The following RFFL variants were observed in gnomAD, a reference collection of about 807,000 sequenced individuals.
The protein encoded by RFFL is ring finger and FYVE like domain containing E3 ubiquitin protein ligase, also known as E3 ubiquitin-protein ligase rififylin.
In RFFL, 16 loss-of-function variants were observed where a neutral mutation model predicts 40.4. The ratio of observed to expected loss-of-function variants is 0.40; its 90% CI spans 0.27 to 0.60. The LOEUF (loss-of-function observed/expected upper bound fraction) is 0.60, where lower values mean the gene tolerates loss of function less well. Among genes scored for constraint, RFFL ranks in the 20% least tolerant of loss-of-function variants. The probability of loss-of-function intolerance (pLI) is 0.47; values close to 1 mark genes in which losing one functional copy is unlikely to be tolerated. For missense variants in RFFL, 367 were observed against 451.7 expected, an observed-to-expected ratio of 0.81 and a Z score of 1.70; for synonymous variants, 154 against 167.9, an observed-to-expected ratio of 0.92 and a Z score of 0.64.
chr17:35,037,690 G>A (rs1203777497), intron 1 of RFFL, among the ~76,000 whole-genome samples: 1 of 152,194 alleles, frequency 6.6e-6, no homozygotes, highest in Non-Finnish European at 1.5e-5. Context: ...GTCACAGCTA[G>A]AGGATAGCAA....
rs778044316 is a variant in RFFL at position 35,028,342 on chromosome 17, C to CA, written c.-8-1782dup. Among the ~76,000 whole-genome samples, 172 of 135,494 alleles carry CA rather than the reference C, an allele frequency of 1.3e-3. No homozygotes were observed. In the South Asian group the frequency reaches 0.013, roughly 10 times the overall value. 88.9% of individuals were successfully genotyped at this position (135,494 alleles called of 152,430 possible). A position where few individuals can be genotyped will look rare whatever the true frequency, so the allele number is the denominator to read the frequency against. ...TGGGTGACAAAGTGAGACCTTGTCT[C>CA]AAAAAAAAAAAAAGTGTTGGTTTAT... is the stretch of plus-strand genomic sequence containing the variant. On this transcript the variant is annotated intron_variant, in intron 1 of 6. Transcript: ENST00000394597.
intron 1 of RFFL, among the ~76,000 whole-genome samples, chr17:35,038,649 G>A (rs922469316): frequency 5.9e-5 from 9 of 152,162 alleles, no homozygotes; most frequent in Admixed American, 1.3e-4. Flanking sequence ...AAAAGCAGGA[G>A]GCATAAATGA....
chr17:35,040,864 TGG>T (rs1567708102), intron 1 of RFFL, among the ~76,000 whole-genome samples: 88 of 37,576 alleles, frequency 2.3e-3, no homozygotes, highest in Middle Eastern at 0.01. Flanking sequence ...TTTTTTTTTT[TGG>T]TGTGTGTGTG....
intron 1 of RFFL, among the ~76,000 whole-genome samples, chr17:35,072,609 G>A (rs1390128128): frequency 1.3e-5 from 2 of 151,984 alleles, no homozygotes; most frequent in Middle Eastern, 3.4e-3. Flanking sequence ...AGAGCACCAT[G>A]TCAGTTTCCT....
chr17:35,075,064 T>C (rs2091369291), intron 1 of RFFL, among the ~76,000 whole-genome samples: 1 of 152,228 alleles, frequency 6.6e-6, no homozygotes, highest in Non-Finnish European at 1.5e-5. Context: ...AGATTTCACA[T>C]AGCAGGCAGA....
At chr17:35,068,121 A>G (rs2091329993), upstream of RFFL, among the ~76,000 whole-genome samples, 1 of 152,234 alleles carries the variant, frequency 6.6e-6, no homozygotes, top group Admixed American at 6.5e-5. Flanking sequence ...ATTAAAGTTC[A>G]TTTGACTCAA....
intron 1 of RFFL, among the ~76,000 whole-genome samples, chr17:35,073,441 C>T (rs1320480713): frequency 6.6e-6 from 1 of 152,186 alleles, no homozygotes; most frequent in African/African-American, 2.4e-5. Flanking sequence ...ATGTGACAGG[C>T]TTCTTACCGC....
Position 35,026,537 on chromosome 17 carries a change from C to T in RFFL, c.17G>A (p.Cys6Tyr). 6.2e-7 allele frequency: 1 copy of T among 1,612,406 alleles called. No individual in the cohort carries two copies. Among genetic ancestry groups the T allele is most frequent in the Non-Finnish European group, 8.5e-7 (1 of 1,179,484 alleles). MWATC[C>Y]NWFCLDGQPE... ...CTGTCCATCCAGGCAGAACCAGTTG[C>T]AGCAGGTTGCCCACATGATAAAATC... The change falls in exon 2 of 7, where the codon TGC becomes TAC. Residue 6 changes from cysteine (C) to tyrosine (Y), a missense_variant. Transcript: ENST00000394597.
At chr17:35,086,169 G>C (rs374002161) in intron 1 of RFFL, among the ~76,000 whole-genome samples, 1 of 152,080 alleles carries the variant, frequency 6.6e-6, no homozygotes, top group East Asian at 1.9e-4. Flanking sequence ...CGAAAGACCC[G>C]GGAGTCTGTT....
rs1260818390 is a variant in RFFL, at chr17:35,026,572, G to A, written c.-8-11C>T. Reference sequence around the variant, plus strand: ...CCCACATGATAAAATCTGGTGCAAGGGAGGAAAGGGGAAAAGGTCAGAGTT... The same window carrying A: ...CCCACATGATAAAATCTGGTGCAAGAGAGGAAAGGGGAAAAGGTCAGAGTT... On this transcript the variant is annotated splice_polypyrimidine_tract_variant and intron_variant, in intron 1 of 6. Transcript: ENST00000394597. 6.2e-7 allele frequency: 1 copy of A among 1,608,916 alleles called. No individual in the cohort carries two copies. The highest frequency in any genetic ancestry group is 2.2e-5 in the East Asian group (1 of 44,792).
chr17:35,079,365 C>A (rs1339633482), intron 1 of RFFL, among the ~76,000 whole-genome samples: 2 of 152,192 alleles, frequency 1.3e-5, no homozygotes, highest in Non-Finnish European at 2.9e-5. Context: ...AGAAAGATTT[C>A]AGTCTGTTTT....
intron 1 of RFFL, among the ~76,000 whole-genome samples, chr17:35,028,284 G>A (rs1382087109): frequency 1.3e-5 from 2 of 151,508 alleles, no homozygotes; most frequent in South Asian, 2.1e-4. Flanking sequence ...GCAGTGAGCC[G>A]AGATCGTGCC....
At chr17:35,065,558 C>CAAAAA (rs947708350), upstream of RFFL, among the ~76,000 whole-genome samples, 5 of 51,096 alleles carry the variant, frequency 9.8e-5, no homozygotes, top group Non-Finnish European at 1.7e-4. Flanking sequence ...AACTTCGTCT[C>CAAAAA]AAAAAAAAAA....
rs193200123 is a variant in RFFL, at chr17:35,050,038, C to T, written c.-9+13538G>A. Among the ~76,000 whole-genome samples, 772 of 150,958 alleles carry T rather than the reference C, an allele frequency of 5.1e-3. 13 individuals carry two copies. The highest frequency in any genetic ancestry group is 0.017 in the African/African-American group (701 of 40,878). ...CAGAGGTTGCAGAGAGCTGAGATCA[C>T]GCCATTGCACTCCAGCCTAGGTGAC... On this transcript the variant is annotated intron_variant, in intron 1 of 6. Coordinates refer to ENST00000394597, the MANE Select transcript of RFFL (RefSeq NM_001017368.2).
intron 1 of RFFL, among the ~76,000 whole-genome samples, chr17:35,085,897 C>T (rs562170835): frequency 1.3e-5 from 2 of 152,102 alleles, no homozygotes; most frequent in Non-Finnish European, 2.9e-5. Context: ...ACAGTCTTAA[C>T]GAAGAGAAAG....
intron 1 of RFFL, among the ~76,000 whole-genome samples, chr17:35,087,264 TCACC>T (rs2091435758): frequency 6.7e-6 from 1 of 150,366 alleles, no homozygotes; most frequent in Admixed American, 6.6e-5. Flanking sequence ...GAAGGGAGAG[TCACC>T]TAAGCCTAGG....
chr17:35,020,561 C>G (rs1304284254), intron 3 of RFFL, among the ~76,000 whole-genome samples: 11 of 151,630 alleles, frequency 7.3e-5, no homozygotes, highest in Non-Finnish European at 1.5e-5. Flanking sequence ...CAAAACGAGT[C>G]CTTGGTGCCA....
intron 5 of RFFL, 131 bp from the exon 6 acceptor site, chr17:35,014,894 T>C (rs1161713109): frequency 4.9e-6 from 4 of 818,716 alleles, no homozygotes; most frequent in Non-Finnish European, 8.5e-6. Flanking sequence ...AGAGCCTAGA[T>C]GGACATCTGC....
chr17:35,058,911 A>G (rs1356354462), intron 1 of RFFL, among the ~76,000 whole-genome samples: 1 of 152,090 alleles, frequency 6.6e-6, no homozygotes, highest in Non-Finnish European at 1.5e-5. Flanking sequence ...CTCTGACAAA[A>G]AGAATGGGGC....
Sources: allele counts gnomAD v4.1 joint callset (sites outside exome capture counted in the v4.1 genomes callset), GRCh38; gene constraint gnomAD v4.1.1; transcripts MANE v1.5; gene names NCBI Gene and HGNC (gene_info 2026-07-23, HGNC 2026-07-21).